Variants in UBA6 observed in about 807,000 individuals in gnomAD.
UBA6 encodes the protein ubiquitin like modifier activating enzyme 6, also known as ubiquitin-like modifier-activating enzyme 6.
In UBA6, 87 loss-of-function variants were observed where a neutral mutation model predicts 148.3. That is an observed-to-expected ratio of 0.59 (90% CI 0.49 to 0.70). The LOEUF (loss-of-function observed/expected upper bound fraction) is 0.70, where lower values mean the gene tolerates loss of function less well. Among genes scored for constraint, UBA6 ranks in the 30% least tolerant of loss-of-function variants. The pLI, the probability that UBA6 is intolerant of heterozygous loss-of-function variation, is 0.00. For missense variants in UBA6, 1,186 were observed against 1,241.2 expected (o/e 0.96, Z 0.67); for synonymous variants, 376 against 401.0 (o/e 0.94, Z 0.75).
intron 24 of UBA6, 23 bp downstream of exon 24, chr4:67,631,834 T>G (rs1729004579): frequency 6.2e-7 from 1 of 1,611,182 alleles, no homozygotes; most frequent in Non-Finnish European, 8.5e-7. Context: ...TCATTAAAAT[T>G]TATTCTCAAC....
At chr4:67,692,603 A>G (rs2109959425) in intron 2 of UBA6, among the ~76,000 whole-genome samples, 1 of 152,272 alleles carries the variant, frequency 6.6e-6, no homozygotes. Flanking sequence ...GTCAGGAAGT[A>G]CCTTGCCAGC....
At chr4:67,689,805 G>C (rs775118007) in intron 2 of UBA6, among the ~76,000 whole-genome samples, 4 of 152,076 alleles carry the variant, frequency 2.6e-5, no homozygotes, top group Non-Finnish European at 5.9e-5. Context: ...TTAGGTTCCA[G>C]ACTACAAGCC....
At chr4:67,696,507 A>C (rs150721497) in intron 2 of UBA6, 138 bp downstream of exon 2, 1 of 583,930 alleles carries the variant, frequency 1.7e-6, no homozygotes, top group African/African-American at 2.0e-5. Context: ...ATACACACAT[A>C]CATATATACA....
rs74874469 is a variant in UBA6 at position 67,693,608 on chromosome 4, A to T, written c.134+3037T>A. Among the ~76,000 whole-genome samples, 758 of 152,272 alleles carry T rather than the reference A, an allele frequency of 5.0e-3. 9 individuals carry two copies. Among genetic ancestry groups the T allele is most frequent in the African/African-American group, 0.017 (712 of 41,550 alleles). On this transcript the variant is annotated intron_variant, in intron 2 of 32. Coordinates refer to ENST00000322244, the MANE Select transcript of UBA6 (RefSeq NM_018227.6). ...AGAGTTCATGTTATGTGTTTTTACTACAATAATAACTTTTTAGAAGGTAAG... is the reference window on the plus strand; with the variant it reads ...AGAGTTCATGTTATGTGTTTTTACTTCAATAATAACTTTTTAGAAGGTAAG...
intron 23 of UBA6, 58 bp from the exon 24 acceptor site, chr4:67,631,966 TA>T (rs1729009920): frequency 6.8e-7 from 1 of 1,473,276 alleles, no homozygotes; most frequent in Non-Finnish European, 9.2e-7. Context: ...GAGGAAAAAT[TA>T]AAAAATAAAA....
intron 13 of UBA6, chr4:67,661,871 C>T (rs1729867024): frequency 2.9e-6 from 1 of 350,528 alleles, no homozygotes. Context: ...TTTAAGTTAA[C>T]AAATCAAGTA....
intron 2 of UBA6, among the ~76,000 whole-genome samples, chr4:67,686,188 C>T (rs1171289487): frequency 6.6e-6 from 1 of 152,074 alleles, no homozygotes; most frequent in African/African-American, 2.4e-5. Flanking sequence ...TAGTTTTTAC[C>T]CACTAGTCTT....
At chr4:67,647,325 T>C (rs1203770671) in intron 14 of UBA6, among the ~76,000 whole-genome samples, 1 of 152,098 alleles carries the variant, frequency 6.6e-6, no homozygotes, top group African/African-American at 2.4e-5. Context: ...TTTGTATTTT[T>C]AGTAGACATG....
At chr4:67,640,483 C>CT (rs1346925720) in intron 18 of UBA6, among the ~76,000 whole-genome samples, 2 of 151,916 alleles carry the variant, frequency 1.3e-5, no homozygotes, top group East Asian at 1.9e-4. Context: ...TTTTTTAAAA[C>CT]TTTTTTTTAG....
At position 67,613,651 on chromosome 4, in the gene UBA6, T is replaced by C. The variant is rs986353492; in HGVS notation, c.*5346A>G. 4.6e-5 allele frequency: 7 copies of C among 152,034 alleles called. No individual in the cohort carries two copies. In the East Asian group the frequency reaches 1.2e-3, roughly 25 times the overall value. 9.4% of individuals were successfully genotyped at this position (152,034 alleles called of 1,614,324 possible). A position where few individuals can be genotyped will look rare whatever the true frequency, so the allele number is the denominator to read the frequency against. Reference sequence around the variant, plus strand: ...TGATGATGGTATACTAGCACAGGGATAGAAAAAAGGGAAAAAATGTTTAGA... The same window carrying C: ...TGATGATGGTATACTAGCACAGGGACAGAAAAAAGGGAAAAAATGTTTAGA... On this transcript the variant is annotated 3_prime_UTR_variant, in exon 33 of 33. Coordinates refer to ENST00000322244, the MANE Select transcript of UBA6 (RefSeq NM_018227.6).
At chr4:67,639,172 G>A (rs1327795674) in intron 18 of UBA6, 48 bp from the exon 19 acceptor site, 6 of 1,440,286 alleles carry the variant, frequency 4.2e-6, no homozygotes, top group Non-Finnish European at 5.7e-6. Flanking sequence ...AACAAAAAAA[G>A]GACTATGATT....
chr4:67,654,066 G>A (rs1729621825), intron 13 of UBA6, among the ~76,000 whole-genome samples: 1 of 152,206 alleles, frequency 6.6e-6, no homozygotes, highest in Non-Finnish European at 1.5e-5. Context: ...TTTGACTGGT[G>A]TAACTAAAAG....
In UBA6 at chr4:67,635,249, T is replaced by G. The variant is rs965973759; in HGVS notation, c.1842+204A>C. On this transcript the variant is annotated intron_variant, in intron 20 of 32. Coordinates refer to ENST00000322244, the MANE Select transcript of UBA6 (RefSeq NM_018227.6). ...GAGAAATAAATAGTAAACAGAAGAA[T>G]AATGCTCCAGAAACACCAGACACAA... 2.0e-5 allele frequency among the ~76,000 whole-genome samples: 3 copies of G among 152,026 alleles called. No homozygotes were observed. The South Asian group carries it at 6.2e-4, about 32-fold the overall frequency.
At chr4:67,636,758 G>A (rs1187613544) in intron 19 of UBA6, among the ~76,000 whole-genome samples, 2 of 152,192 alleles carry the variant, frequency 1.3e-5, no homozygotes, top group Non-Finnish European at 2.9e-5. Flanking sequence ...CCACCCCCCA[G>A]CCGCCTGCCT....
Position 67,634,329 on chromosome 4 carries a change from CAG to C in UBA6, c.1933-9_1933-8del, listed in dbSNP as rs377211409. ...GGGAAAAGGAACTTTCAAACTGTAACAGAGAAAAGAAAAAAAAAATTACAAAT... is the reference window on the plus strand; with the variant it reads ...GGGAAAAGGAACTTTCAAACTGTAACAGAAAAGAAAAAAAAAATTACAAAT... On this transcript the variant is annotated splice_polypyrimidine_tract_variant and splice_region_variant and intron_variant, in intron 21 of 32. Coordinates refer to ENST00000322244, the MANE Select transcript of UBA6 (RefSeq NM_018227.6). 1.5e-5 allele frequency: 23 copies of C among 1,571,220 alleles called. No homozygotes were observed. Among genetic ancestry groups the C allele is most frequent in the African/African-American group, 5.6e-5 (4 of 71,978 alleles).
intron 2 of UBA6, among the ~76,000 whole-genome samples, chr4:67,694,675 G>A (rs1363582397): frequency 6.6e-6 from 1 of 152,164 alleles, no homozygotes; most frequent in Non-Finnish European, 1.5e-5. Context: ...GGGATTACAG[G>A]CATGAGCCAC....
At chr4:67,625,316 G>C in intron 28 of UBA6, 129 bp from the exon 29 acceptor site, 1 of 668,798 alleles carries the variant, frequency 1.5e-6, no homozygotes, top group Non-Finnish European at 2.2e-6. Flanking sequence ...AGAAACATAA[G>C]AAAAATTCAG....
intron 18 of UBA6, among the ~76,000 whole-genome samples, chr4:67,640,395 T>C (rs937997013): frequency 6.6e-6 from 1 of 152,250 alleles, no homozygotes; most frequent in African/African-American, 2.4e-5. Flanking sequence ...TTTCTGTTCA[T>C]GACATTACTA....
At chr4:67,686,626 G>A (rs1730569718) in intron 2 of UBA6, among the ~76,000 whole-genome samples, 1 of 152,018 alleles carries the variant, frequency 6.6e-6, no homozygotes, top group African/African-American at 2.4e-5. Flanking sequence ...GTTGGAGTGA[G>A]AAGAAAAGAA....
Sources: gnomAD v4.1 joint callset for allele counts (sites outside exome capture counted in the v4.1 genomes callset) on GRCh38, gnomAD v4.1.1 for gene constraint, MANE v1.5 for transcripts, NCBI Gene and HGNC (gene_info 2026-07-23, HGNC 2026-07-21) for gene names.